CDH18: variants seen among roughly 807,000 people sequenced by gnomAD.
The protein encoded by CDH18 is cadherin 18, also known as cadherin-18.
A neutral mutation model predicts 67.9 loss-of-function variants in CDH18; 31 were observed. The observed-to-expected ratio is 0.46, with a 90% CI of 0.34 to 0.62. CDH18 has a LOEUF of 0.62. CDH18 is among the 20% of genes least tolerant of loss of function. CDH18 has a pLI of 0.01. For synonymous variants in CDH18, 362 were observed against 347.2 expected, an observed-to-expected ratio of 1.04 and a Z score of -0.48; for missense variants, 890 against 975.5, an observed-to-expected ratio of 0.91 and a Z score of 1.17.
At chr5:20,398,969 C>G (rs1448461310) in intron 1 of CDH18, among the ~76,000 whole-genome samples, 1 of 149,552 alleles carries the variant, frequency 6.7e-6, no homozygotes, top group Non-Finnish European at 1.5e-5. Flanking sequence ...ACATGTATAC[C>G]CACGTAGAAA....
At chr5:20,506,527 C>T (rs551748540) in intron 1 of CDH18, among the ~76,000 whole-genome samples, 2 of 152,290 alleles carry the variant, frequency 1.3e-5, no homozygotes, top group South Asian at 4.1e-4. Flanking sequence ...ATGCTGCCAG[C>T]AACCACGTAA....
At chr5:19,749,454 T>G (rs1277670784) in intron 3 of CDH18, among the ~76,000 whole-genome samples, 1 of 151,526 alleles carries the variant, frequency 6.6e-6, no homozygotes, top group Non-Finnish European at 1.5e-5. Context: ...CTTCAGGATA[T>G]GTATATGTGT....
intron 5 of CDH18, among the ~76,000 whole-genome samples, chr5:19,627,830 C>T (rs528212373): frequency 1.3e-5 from 2 of 152,218 alleles, no homozygotes; most frequent in African/African-American, 2.4e-5. Flanking sequence ...ATTTCAGGTA[C>T]ATTCATGGGA....
chr5:20,196,776 A>G (rs1424022729), intron 2 of CDH18, among the ~76,000 whole-genome samples: 5 of 152,188 alleles, frequency 3.3e-5, no homozygotes, highest in African/African-American at 1.2e-4. Context: ...CATGATTTGA[A>G]GCATGATTAC....
At chr5:20,185,796 A>T (rs890993093) in intron 2 of CDH18, among the ~76,000 whole-genome samples, 10 of 151,956 alleles carry the variant, frequency 6.6e-5, no homozygotes, top group African/African-American at 2.4e-4. Flanking sequence ...CCATACACAC[A>T]ACTTTATTTT....
intron 8 of CDH18, among the ~76,000 whole-genome samples, chr5:19,550,533 G>C (rs970926590): frequency 2.0e-5 from 3 of 151,792 alleles, no homozygotes; most frequent in African/African-American, 7.3e-5. Context: ...TTGTCCTTGC[G>C]ATAGTTTGCT....
intron 3 of CDH18, among the ~76,000 whole-genome samples, chr5:19,818,267 G>C (rs1779499986): frequency 6.6e-6 from 1 of 152,122 alleles, no homozygotes; most frequent in African/African-American, 2.4e-5. Flanking sequence ...CTCAAGCTTA[G>C]CTCCTCACTC....
chr5:20,284,841 T>C (rs981363854), intron 1 of CDH18, among the ~76,000 whole-genome samples: 2 of 151,898 alleles, frequency 1.3e-5, no homozygotes, highest in Non-Finnish European at 2.9e-5. Flanking sequence ...TTGGGACCAA[T>C]GTATTTAGGA....
intron 2 of CDH18, among the ~76,000 whole-genome samples, chr5:19,937,529 T>C (rs944784754): frequency 2.0e-5 from 3 of 151,518 alleles, no homozygotes; most frequent in Non-Finnish European, 4.4e-5. Context: ...ATTGCAAATA[T>C]GTTTTCTATA....
At chr5:19,595,573 G>A (rs1561431048) in intron 6 of CDH18, among the ~76,000 whole-genome samples, 1 of 152,162 alleles carries the variant, frequency 6.6e-6, no homozygotes, top group African/African-American at 2.4e-5. Context: ...GCAGTGAGCC[G>A]ACGTTGTGCC....
At chr5:19,874,679 T>C (rs974719141) in intron 2 of CDH18, among the ~76,000 whole-genome samples, 1 of 152,210 alleles carries the variant, frequency 6.6e-6, no homozygotes, top group South Asian at 2.1e-4. Context: ...AGAAATTGAA[T>C]TGAATTTTAC....
At chr5:20,305,638 T>C (rs1736365989) in intron 1 of CDH18, 1 of 362,390 alleles carries the variant, frequency 2.8e-6, no homozygotes, top group Non-Finnish European at 5.2e-6. Context: ...TCAAACGCCA[T>C]GTCCGGGGGG....
intron 5 of CDH18, among the ~76,000 whole-genome samples, chr5:19,644,708 G>A (rs1164802216): frequency 2.0e-5 from 3 of 152,150 alleles, no homozygotes; most frequent in Non-Finnish European, 4.4e-5. Flanking sequence ...CTGTGCTGGG[G>A]CTTGGTATGA....
At chr5:20,392,430 C>T (rs1744940658) in intron 1 of CDH18, among the ~76,000 whole-genome samples, 2 of 151,676 alleles carry the variant, frequency 1.3e-5, no homozygotes, top group Non-Finnish European at 3.0e-5. Flanking sequence ...TCTTAACTTC[C>T]AATAATTTTA....
intron 2 of CDH18, among the ~76,000 whole-genome samples, chr5:20,201,495 GTT>G (rs149554399): frequency 1.3e-5 from 2 of 149,984 alleles, no homozygotes; most frequent in Non-Finnish European, 3.0e-5. Context: ...AGAGTGAAGT[GTT>G]TTTTTTTGTT....
rs143102094 is a variant in CDH18 at position 19,519,347 on chromosome 5, C to G, written c.1512+1310G>C. 3.9e-5 allele frequency among the ~76,000 whole-genome samples: 6 copies of G among 152,070 alleles called. No individual in the cohort carries two copies. In the East Asian group the frequency reaches 1.2e-3, roughly 29 times the overall value. ...CACAATTGTCCCTCATACATAAACACAAAAAAGGATGCTTCTCAGGAGTAT... is the reference window on the plus strand; with the variant it reads ...CACAATTGTCCCTCATACATAAACAGAAAAAAGGATGCTTCTCAGGAGTAT... On this transcript the variant is annotated intron_variant, in intron 10 of 12. Transcript: ENST00000382275.
At chr5:20,334,987 T>C (rs991785045) in intron 1 of CDH18, among the ~76,000 whole-genome samples, 2 of 152,212 alleles carry the variant, frequency 1.3e-5, no homozygotes, top group African/African-American at 4.8e-5. Context: ...GCTTCTCAAC[T>C]GGACACAGTT....
intron 2 of CDH18, among the ~76,000 whole-genome samples, chr5:20,122,263 G>T (rs1380146944): frequency 6.6e-6 from 1 of 152,274 alleles, no homozygotes; most frequent in South Asian, 2.1e-4. Context: ...CATGTCATTA[G>T]ATGTAAGCCT....
At chr5:19,853,962 A>T (rs1373955436) in intron 2 of CDH18, among the ~76,000 whole-genome samples, 1 of 152,136 alleles carries the variant, frequency 6.6e-6, no homozygotes, top group Admixed American at 6.6e-5. Flanking sequence ...TAAAAACGGA[A>T]AATGTCTACG....
Sources: allele counts gnomAD v4.1 joint callset (sites outside exome capture counted in the v4.1 genomes callset), GRCh38; gene constraint gnomAD v4.1.1; transcripts MANE v1.5; gene names NCBI Gene and HGNC (gene_info 2026-07-23, HGNC 2026-07-21).